Variants in ADGRB2 observed in about 807,000 individuals in gnomAD.
ADGRB2 encodes brain-specific angiogenesis inhibitor 2.
In ADGRB2, 47 loss-of-function variants were observed where a neutral mutation model predicts 178.7. That is an observed-to-expected ratio of 0.26 (90% CI 0.21 to 0.34). The LOEUF (loss-of-function observed/expected upper bound fraction) is 0.34. ADGRB2 is among the 10% of genes least tolerant of loss of function. The pLI is 1.00. For synonymous variants in ADGRB2, 870 were observed against 912.4 expected (o/e 0.95, Z 0.84); for missense variants, 1,584 against 2,180.8 (o/e 0.73, Z 5.45).
At chr1:31,752,449 G>GC (rs1464976292) in intron 4 of ADGRB2, among the ~76,000 whole-genome samples, 3 of 152,214 alleles carry the variant, frequency 2.0e-5, no homozygotes, top group African/African-American at 7.2e-5. Flanking sequence ...GGCAGGGAAG[G>GC]CCCCCACTTC....
At chr1:31,731,491 G>A (rs991932708) in intron 28 of ADGRB2, 72 bp from the exon 29 acceptor site, 36 of 1,503,938 alleles carry the variant, frequency 2.4e-5, no homozygotes, top group Middle Eastern at 3.6e-4. Context: ...TGCCCAGGCT[G>A]GGGAGGTACC....
intron 18 of ADGRB2, among the ~76,000 whole-genome samples, 196 bp downstream of exon 18, chr1:31,738,004 C>G (rs1645719969): frequency 6.6e-6 from 1 of 152,192 alleles, no homozygotes; most frequent in Non-Finnish European, 1.5e-5. Flanking sequence ...CAACTGGCCA[C>G]TGCCGCATAC....
Position 31,759,036 on chromosome 1 carries a change from C to A in ADGRB2, c.-190-1525G>T, listed in dbSNP as rs572247109. Among the ~76,000 whole-genome samples the A allele has an allele frequency of 1.6e-4, 25 of 152,204 alleles. No homozygotes were observed. Among genetic ancestry groups the A allele is most frequent in the Non-Finnish European group, 3.4e-4 (23 of 68,028 alleles). ...TCATTATAACCGGCCTCCCCTCCCC[C>A]ACTTACAGCAGCTCAGGGAACCTCC... On this transcript the variant is annotated intron_variant, in intron 1 of 32. Transcript: ENST00000373658. This position sits in a 1 kb window ranked among gnomAD's most constrained non-coding sequence, Gnocchi z 4.3.
rs1645141735 is a variant in ADGRB2, at chr1:31,728,986, C to T, written c.4381-353G>A. ...GCCCCATTCTCTCTGCCAGCCATAG[C>T]TACCCCTCCCCTTGGAACCTTCCAC... On this transcript the variant is annotated intron_variant, in intron 29 of 32. Coordinates refer to ENST00000373658, the MANE Select transcript of ADGRB2 (RefSeq NM_001364857.2). This position sits in a 1 kb window ranked among gnomAD's most constrained non-coding sequence, Gnocchi z 6.7. Among the ~76,000 whole-genome samples the T allele has an allele frequency of 6.6e-6, 1 of 152,150 alleles. No individual in the cohort carries two copies. The highest frequency in any genetic ancestry group is 2.4e-5 in the African/African-American group (1 of 41,428).
In ADGRB2 at chr1:31,735,442, A is replaced by T; in HGVS notation, c.3353+138T>A. 1 of 1,298,566 alleles carries T rather than the reference A, an allele frequency of 7.7e-7. No individual in the cohort carries two copies. Among genetic ancestry groups the T allele is most frequent in the South Asian group, 1.3e-5 (1 of 79,236 alleles). 80.4% of individuals were successfully genotyped at this position (1,298,566 alleles called of 1,614,324 possible). Reference sequence around the variant, plus strand: ...CTGCGGCTGAGCACTCCGGGTGCCCACCTTGCCTGCAACCTTGATGCACCA... The same window carrying T: ...CTGCGGCTGAGCACTCCGGGTGCCCTCCTTGCCTGCAACCTTGATGCACCA... On this transcript the variant is annotated intron_variant, in intron 24 of 32. Coordinates refer to ENST00000373658, the MANE Select transcript of ADGRB2 (RefSeq NM_001364857.2). This position sits in a 1 kb window ranked among gnomAD's most constrained non-coding sequence, Gnocchi z 6.0.
intron 26 of ADGRB2, 105 bp downstream of exon 26, chr1:31,732,867 G>A: frequency 2.1e-6 from 3 of 1,419,270 alleles, no homozygotes. Flanking sequence ...TGGGGCCTGG[G>A]GCACCCTGGT....
At position 31,757,051 on chromosome 1, in the gene ADGRB2, ATAAG is replaced by A. The variant is rs994291920; in HGVS notation, c.21+146_21+149del. On this transcript the variant is annotated intron_variant, in intron 3 of 32. Coordinates refer to ENST00000373658, the MANE Select transcript of ADGRB2 (RefSeq NM_001364857.2). ...CGCACAAGTTTCCTACAAGGGTGAA[ATAAG>A]TAAGGGAAAGGACTCGCGAGAGTGC... 6 of 1,369,896 alleles carry A rather than the reference ATAAG, an allele frequency of 4.4e-6. No homozygotes were observed. The African/African-American group carries it at 8.6e-5, about 20-fold the overall frequency. 84.9% of individuals were successfully genotyped at this position (1,369,896 alleles called of 1,614,324 possible).
intron 4 of ADGRB2, among the ~76,000 whole-genome samples, chr1:31,751,058 G>A (rs1010256275): frequency 6.6e-6 from 1 of 152,066 alleles, no homozygotes; most frequent in Non-Finnish European, 1.5e-5. Context: ...TAAAGCCCTT[G>A]GCCAAGAGGA....
rs1217185367 is a variant in ADGRB2 at position 31,761,291 on chromosome 1, A to G, written c.-191+2593T>C. Among the ~76,000 whole-genome samples, 3 of 152,154 alleles carry G rather than the reference A, an allele frequency of 2.0e-5. No individual in the cohort carries two copies. Among genetic ancestry groups the G allele is most frequent in the Non-Finnish European group, 2.9e-5 (2 of 68,010 alleles). On this transcript the variant is annotated intron_variant, in intron 1 of 32. Transcript: ENST00000373658. This position sits in a 1 kb window ranked among gnomAD's most constrained non-coding sequence, Gnocchi z 4.2. ...CACCTTCCCTGCCCCCAAGCTACTC[A>G]GGCCAAAGCCAGGTTTCTTCAAACT...
intron 15 of ADGRB2, 137 bp downstream of exon 15, chr1:31,739,171 G>T: frequency 9.6e-7 from 1 of 1,043,384 alleles, no homozygotes; most frequent in Non-Finnish European, 1.4e-6. Context: ...CATGTGTCCA[G>T]AGCCAGGCAA....
At chr1:31,749,849 C>T (rs914096632) in intron 4 of ADGRB2, among the ~76,000 whole-genome samples, 4 of 151,710 alleles carry the variant, frequency 2.6e-5, no homozygotes, top group Admixed American at 6.6e-5. Context: ...GCCACGAGTT[C>T]GAGGCTGCAG....
In ADGRB2 at chr1:31,753,139, G is replaced by A. The variant is rs758424016; in HGVS notation, c.838+2860C>T. ...AGGCTGGCACTGGCCATCAGGAGCT[G>A]AGCCCTGCAGCTGGCACTAACTCTG... On this transcript the variant is annotated intron_variant, in intron 4 of 32. Coordinates refer to ENST00000373658, the MANE Select transcript of ADGRB2 (RefSeq NM_001364857.2). This position sits in a 1 kb window ranked among gnomAD's most constrained non-coding sequence, Gnocchi z 4.1. 3.3e-5 allele frequency among the ~76,000 whole-genome samples: 5 copies of A among 152,178 alleles called. No homozygotes were observed. The highest frequency in any genetic ancestry group is 4.8e-5 in the African/African-American group (2 of 41,436).
chr1:31,739,563 C>T lies in ADGRB2; in HGVS notation c.2240G>A (p.Gly747Asp). Residue 747 changes from glycine (G) to aspartate (D), a missense_variant, in exon 15 of 33, where the codon GGC (glycine) becomes GAC (aspartate). This residue lies in a region of ADGRB2 where 865 missense variants were observed against 1,192.8 expected (regional missense o/e 0.73). Transcript: ENST00000373658. Reference protein sequence around the residue: ...DITFPMRGRRGMKDWVRHSED... With the variant: ...DITFPMRGRRDMKDWVRHSED... ...TGAGTGCCGCACCCAGTCCTTCATG[C>T]CCCGGCGGCCCCGCATGGGGAACGT... 1.9e-6 allele frequency: 3 copies of T among 1,611,866 alleles called. No homozygotes were observed. Among genetic ancestry groups the T allele is most frequent in the Non-Finnish European group, 2.5e-6 (3 of 1,179,262 alleles).
At chr1:31,738,354 C>G (rs200466869) in intron 17 of ADGRB2, 28 bp from the exon 18 acceptor site, 415 of 1,612,838 alleles carry the variant, frequency 2.6e-4, no homozygotes, top group Non-Finnish European at 3.3e-4. Context: ...TTCAGTGAGC[C>G]CCAGGCCAGC....
At chr1:31,732,910 G>T in intron 26 of ADGRB2, 62 bp downstream of exon 26, 1 of 1,517,560 alleles carries the variant, frequency 6.6e-7, no homozygotes, top group Non-Finnish European at 8.9e-7. Context: ...TGCACAGTGA[G>T]GAGAAGCCAA....
At position 31,759,803 on chromosome 1, in the gene ADGRB2, C is replaced by T. The variant is rs1646989496; in HGVS notation, c.-190-2292G>A. Among the ~76,000 whole-genome samples the T allele has an allele frequency of 1.3e-5, 2 of 152,288 alleles. No homozygotes were observed. The highest frequency in any genetic ancestry group is 4.2e-4 in the South Asian group (2 of 4,818). ...CCTGGGGGCACTGATGACCCAGAGGCCTCTCCCTGAGCCACCCGGGAAGGG... is the reference window on the plus strand; with the variant it reads ...CCTGGGGGCACTGATGACCCAGAGGTCTCTCCCTGAGCCACCCGGGAAGGG... On this transcript the variant is annotated intron_variant, in intron 1 of 32. Transcript: ENST00000373658. The surrounding 1 kb of genome is among the most constrained non-coding windows in gnomAD (Gnocchi z 4.3).
At chr1:31,763,364 G>T (rs1241361624) in intron 1 of ADGRB2, among the ~76,000 whole-genome samples, 1 of 151,586 alleles carries the variant, frequency 6.6e-6, no homozygotes, top group Non-Finnish European at 1.5e-5. Flanking sequence ...GCGGGGGAGG[G>T]TAGAAACTAT....
At chr1:31,745,822 G>A (rs115133421) in intron 4 of ADGRB2, among the ~76,000 whole-genome samples, 2,695 of 152,294 alleles carry the variant, frequency 0.018, 89 homozygotes, top group African/African-American at 0.062. Flanking sequence ...TGCCCAGCCC[G>A]GGCTCTGCAG....
Position 31,742,954 on chromosome 1 carries a change from C to T in ADGRB2, c.1136G>A (p.Ser379Asn). ...EWGSWSLCSR[S>N]CGRGSRSRMR... is the part of the protein sequence containing the mutation. The stretch of plus-strand genomic sequence containing the variant: ...CCGGCTCCGGGACCCCCGCCCGCAG[C>T]TGCGGGAGCACAGGCTCCAGGACCC... The change falls in exon 7 of 33, where the codon AGC (serine) becomes AAC (asparagine). Residue 379 changes from serine (S) to asparagine (N), a missense_variant. By Grantham distance (46) the Ser-to-Asn change is conservative. Around this residue, in one of 3 missense-constraint regions of ADGRB2, gnomAD observed 657 missense variants for 847.6 expected, o/e 0.78. Transcript: ENST00000373658. The T allele has an allele frequency of 6.5e-7, 1 of 1,537,784 alleles. No individual in the cohort carries two copies. The highest frequency in any genetic ancestry group is 1.4e-5 in the African/African-American group (1 of 72,358).
Sources: gnomAD v4.1 joint callset for allele counts (sites outside exome capture counted in the v4.1 genomes callset) on GRCh38, gnomAD v4.1.1 for gene constraint, gnomAD v4.1.1 regional missense constraint, Gnocchi (gnomAD v3.1) non-coding constraint, MANE v1.5 for transcripts, NCBI Gene and HGNC (gene_info 2026-07-23, HGNC 2026-07-21) for gene names.